BCAS3: variants seen among roughly 807,000 people sequenced by gnomAD.
BCAS3 encodes the protein BCAS4/BCAS3 fusion.
Under a neutral mutation model 116.1 loss-of-function variants are expected in BCAS3, and 53 were observed. The observed-to-expected ratio is 0.46, with a 90% CI of 0.37 to 0.57. The LOEUF (loss-of-function observed/expected upper bound fraction) is 0.57, where lower values mean the gene tolerates loss of function less well. Ranked by LOEUF, BCAS3 falls within the 20% of genes least tolerant of loss-of-function variation. The pLI is 0.00. For missense variants in BCAS3, 917 were observed against 1,165.4 expected (o/e 0.79, Z 3.10); for synonymous variants, 391 against 408.2 (o/e 0.96, Z 0.51).
intron 22 of BCAS3, among the ~76,000 whole-genome samples, chr17:61,351,818 C>G (rs1225078925): frequency 6.6e-6 from 1 of 152,174 alleles, no homozygotes; most frequent in African/African-American, 2.4e-5. Flanking sequence ...AGGGTAGCTC[C>G]AAGGGCAGGA....
At chr17:61,370,236 C>A (rs567977832) in intron 23 of BCAS3, among the ~76,000 whole-genome samples, 1 of 150,060 alleles carries the variant, frequency 6.7e-6, no homozygotes, top group African/African-American at 2.4e-5. Context: ...GAAATTAAAA[C>A]TGCATGACCC....
At chr17:60,732,776 T>C (rs1598359844) in intron 5 of BCAS3, among the ~76,000 whole-genome samples, 1 of 152,038 alleles carries the variant, frequency 6.6e-6, no homozygotes, top group Non-Finnish European at 1.5e-5. Context: ...GAGGCGGAGG[T>C]TGCAGTGAGC....
intron 6 of BCAS3, among the ~76,000 whole-genome samples, chr17:60,767,454 C>T (rs1351106194): frequency 2.0e-5 from 3 of 150,118 alleles, no homozygotes; most frequent in Non-Finnish European, 4.4e-5. Flanking sequence ...AAGCCATTCT[C>T]CTGCCTCAGC....
Position 61,077,570 on chromosome 17 carries a change from C to T in BCAS3, c.2131-763C>T, listed in dbSNP as rs2072142217. Among the ~76,000 whole-genome samples the T allele has an allele frequency of 6.6e-6, 1 of 151,954 alleles. No individual in the cohort carries two copies. The highest frequency in any genetic ancestry group is 2.1e-4 in the South Asian group (1 of 4,808). On this transcript the variant is annotated intron_variant, in intron 20 of 23. Transcript: ENST00000407086. The surrounding 1 kb of genome is among the most constrained non-coding windows in gnomAD (Gnocchi z 4.3). ...ATAAAATATTGGCAACATTCCCTAT[C>T]CCCCCCATTGAGCGTGAAATTCATA... is the stretch of plus-strand genomic sequence containing the variant.
chr17:60,704,921 G>T (rs1252139334), intron 4 of BCAS3, among the ~76,000 whole-genome samples: 1 of 151,984 alleles, frequency 6.6e-6, no homozygotes, highest in Non-Finnish European at 1.5e-5. Flanking sequence ...AAGTATGGAA[G>T]TGGTCTACTT....
chr17:61,243,128 C>T lies in BCAS3; in HGVS notation c.2426-125199C>T, dbSNP rs1382733800. On this transcript the variant is annotated intron_variant, in intron 22 of 23. Transcript: ENST00000407086. This position sits in a 1 kb window ranked among gnomAD's most constrained non-coding sequence, Gnocchi z 5.6. ...GGTTTCACCATGTTGGCCAAGATGG[C>T]CTCCATCTCCTGACCTCGTGATCCG... Among the ~76,000 whole-genome samples the T allele has an allele frequency of 2.6e-5, 4 of 152,030 alleles. No individual in the cohort carries two copies.
intron 19 of BCAS3, among the ~76,000 whole-genome samples, chr17:61,045,823 T>TCTCTCTCTCTCTCTCTC (rs2068003623): frequency 8.7e-5 from 3 of 34,628 alleles, no homozygotes; most frequent in African/African-American, 5.2e-4. Context: ...TCATCTCTCT[T>TCTCTCTCTCTCTCTCTC]TCTCTCTCTC....
Position 61,259,718 on chromosome 17 carries a change from T to G in BCAS3, c.2426-108609T>G, listed in dbSNP as rs894145184. On this transcript the variant is annotated intron_variant, in intron 22 of 23. Coordinates refer to ENST00000407086, the MANE Select transcript of BCAS3 (RefSeq NM_017679.5). The surrounding 1 kb of genome is among the most constrained non-coding windows in gnomAD (Gnocchi z 4.7). Reference sequence around the variant, plus strand: ...CAGCCTTAGAGTGGGCAGTCGTTCATTACTGGCCTAGGACAATCATATTGG... The same window carrying G: ...CAGCCTTAGAGTGGGCAGTCGTTCAGTACTGGCCTAGGACAATCATATTGG... Among the ~76,000 whole-genome samples the G allele has an allele frequency of 2.0e-5, 3 of 152,210 alleles. No individual in the cohort carries two copies. The highest frequency in any genetic ancestry group is 7.2e-5 in the African/African-American group (3 of 41,448).
rs2078172945 is a variant in BCAS3 at position 61,161,633 on chromosome 17, TG to T, written c.2425+77071del. Among the ~76,000 whole-genome samples the T allele has an allele frequency of 6.6e-6, 1 of 152,030 alleles. No homozygotes were observed. Among genetic ancestry groups the T allele is most frequent in the Non-Finnish European group, 1.5e-5 (1 of 68,002 alleles). ...GATGTCTTTATTTTAAACAATCTAGTGGTGGTTGAAGAGGCCATCTGGAAAG... is the reference window on the plus strand; with the variant it reads ...GATGTCTTTATTTTAAACAATCTAGTGTGGTTGAAGAGGCCATCTGGAAAG... On this transcript the variant is annotated intron_variant, in intron 22 of 23. Transcript: ENST00000407086. The surrounding 1 kb of genome is among the most constrained non-coding windows in gnomAD (Gnocchi z 4.8).
intron 22 of BCAS3, among the ~76,000 whole-genome samples, chr17:61,247,482 G>A (rs1399078964): frequency 2.0e-5 from 3 of 152,036 alleles, no homozygotes; most frequent in African/African-American, 2.4e-5. Context: ...TACATGTCAC[G>A]ATTTTTGCTC....
chr17:61,093,374 C>T (rs946699435), intron 22 of BCAS3, among the ~76,000 whole-genome samples: 1 of 152,058 alleles, frequency 6.6e-6, no homozygotes, highest in Non-Finnish European at 1.5e-5. Flanking sequence ...ATTGCATGAG[C>T]TTAGGAGTTT....
intron 22 of BCAS3, among the ~76,000 whole-genome samples, chr17:61,112,748 C>T (rs1003571233): frequency 2.0e-5 from 3 of 151,322 alleles, no homozygotes; most frequent in Non-Finnish European, 3.0e-5. Flanking sequence ...TAATAGACAT[C>T]TACAGAACTC....
chr17:61,392,213 G>C lies in BCAS3; in HGVS notation c.*88G>C. 6.9e-7 allele frequency: 1 copy of C among 1,452,540 alleles called. No individual in the cohort carries two copies. Among genetic ancestry groups the C allele is most frequent in the South Asian group, 1.3e-5 (1 of 75,804 alleles). 90.0% of individuals were successfully genotyped at this position (1,452,540 alleles called of 1,614,324 possible). A position where few individuals can be genotyped will look rare whatever the true frequency, so the allele number is the denominator to read the frequency against. The stretch of plus-strand genomic sequence containing the variant: ...GCTCTGGTCCTACCCTTCAGTCTCT[G>C]CTCTTCCTTCATCAACCACCTTCCC... On this transcript the variant is annotated 3_prime_UTR_variant, in exon 24 of 24. Transcript: ENST00000407086. This position sits in a 1 kb window ranked among gnomAD's most constrained non-coding sequence, Gnocchi z 6.4.
rs1416876700 is a variant in BCAS3 at position 61,013,197 on chromosome 17, G to A, written c.1487-2554G>A. Among the ~76,000 whole-genome samples, 1 of 151,996 alleles carries A rather than the reference G, an allele frequency of 6.6e-6. No homozygotes were observed. Among genetic ancestry groups the A allele is most frequent in the Non-Finnish European group, 1.5e-5 (1 of 67,950 alleles). ...GCTTATCTTTGGTTCTTGGCAATTA[G>A]CACTTAATGATTCCTGTTTGTGCCT... On this transcript the variant is annotated intron_variant, in intron 15 of 23. Coordinates refer to ENST00000407086, the MANE Select transcript of BCAS3 (RefSeq NM_017679.5). This position sits in a 1 kb window ranked among gnomAD's most constrained non-coding sequence, Gnocchi z 4.4.
At chr17:60,935,729 ATTTGTTAC>A (rs2059884576) in intron 13 of BCAS3, among the ~76,000 whole-genome samples, 1 of 152,048 alleles carries the variant, frequency 6.6e-6, no homozygotes, top group Non-Finnish European at 1.5e-5. Flanking sequence ...AATCATTATC[ATTTGTTAC>A]TTAGTTACTT....
intron 22 of BCAS3, among the ~76,000 whole-genome samples, chr17:61,107,136 G>A (rs574611986): frequency 4.1e-5 from 6 of 145,598 alleles, no homozygotes; most frequent in Non-Finnish European, 7.5e-5. Context: ...GCCCAGGCTG[G>A]AGTGAAGTGG....
At position 61,333,605 on chromosome 17, in the gene BCAS3, T is replaced by C. The variant is rs2056468531; in HGVS notation, c.2426-34722T>C. Among the ~76,000 whole-genome samples, 1 of 151,498 alleles carries C rather than the reference T, an allele frequency of 6.6e-6. No individual in the cohort carries two copies. Among genetic ancestry groups the C allele is most frequent in the South Asian group, 2.1e-4 (1 of 4,820 alleles). ...CTAGCACTAGAGCTTTATCAAGTTC[T>C]TGAAACTTTCTTTTTTTTTCTTTTT... On this transcript the variant is annotated intron_variant, in intron 22 of 23. Transcript: ENST00000407086. The surrounding 1 kb of genome is among the most constrained non-coding windows in gnomAD (Gnocchi z 4.8).
intron 14 of BCAS3, among the ~76,000 whole-genome samples, chr17:60,985,240 G>A (rs1400360970): frequency 1.3e-5 from 2 of 149,628 alleles, no homozygotes; most frequent in Non-Finnish European, 3.0e-5. Flanking sequence ...CTGCCTCCAG[G>A]GTTCAAGTGA....
rs2055448950 is a variant in BCAS3, at chr17:61,323,183, A to G, written c.2426-45144A>G. Among the ~76,000 whole-genome samples, 1 of 152,168 alleles carries G rather than the reference A, an allele frequency of 6.6e-6. No homozygotes were observed. Among genetic ancestry groups the G allele is most frequent in the African/African-American group, 2.4e-5 (1 of 41,442 alleles). ...TAGGCAGCTGATGACCACGGGCCAGATTGTTCATTTCACAAAGGGGAGGCT... is the reference window on the plus strand; with the variant it reads ...TAGGCAGCTGATGACCACGGGCCAGGTTGTTCATTTCACAAAGGGGAGGCT... On this transcript the variant is annotated intron_variant, in intron 22 of 23. Coordinates refer to ENST00000407086, the MANE Select transcript of BCAS3 (RefSeq NM_017679.5). The surrounding 1 kb of genome is among the most constrained non-coding windows in gnomAD (Gnocchi z 4.6).
Sources: allele counts gnomAD v4.1 joint callset (sites outside exome capture counted in the v4.1 genomes callset), GRCh38; gene constraint gnomAD v4.1.1; non-coding constraint Gnocchi (gnomAD v3.1); transcripts MANE v1.5; gene names NCBI Gene and HGNC (gene_info 2026-07-23, HGNC 2026-07-21).